Variants in RIGI observed in about 807,000 individuals in gnomAD.
The protein encoded by RIGI is RNA sensor RIG-I, also known as antiviral innate immune response receptor RIG-I.
the RIGI span, chr9:32,480,190 T>C: frequency 1.3e-6 from 2 of 1,576,262 alleles, no homozygotes; most frequent in Non-Finnish European, 1.7e-6. Flanking sequence ...AATGCTACTG[T>C]GGCTTCCTCC....
the RIGI span, among the ~76,000 whole-genome samples, chr9:32,515,317 C>A: frequency 0.033 from 3,672 of 110,080 alleles, no homozygotes; most frequent in East Asian, 0.043. Context: ...GACTCTGTCT[C>A]AAAAAAAAAA....
chr9:32,495,374 G>C, the RIGI span, among the ~76,000 whole-genome samples: 215 of 151,888 alleles, frequency 1.4e-3, 1 homozygote, highest in African/African-American at 5.0e-3. Context: ...GCTAATTTTT[G>C]TATTTTTTAG....
At chr9:32,457,113 G>T in the RIGI span, 1 of 1,607,024 alleles carries the variant, frequency 6.2e-7, no homozygotes, top group South Asian at 1.1e-5. Context: ...GAAGATTGAG[G>T]ACCTGATATC....
At chr9:32,486,173 C>T in the RIGI span, among the ~76,000 whole-genome samples, 4 of 151,780 alleles carry the variant, frequency 2.6e-5, no homozygotes, top group South Asian at 2.1e-4. Flanking sequence ...AAAGTGTAGC[C>T]GGGTGTGGTG....
chr9:32,476,069 A>G, the RIGI span, among the ~76,000 whole-genome samples: 1 of 152,122 alleles, frequency 6.6e-6, no homozygotes, highest in African/African-American at 2.4e-5. Context: ...CAGAAGAAAG[A>G]TGTTCAGCCA....
At chr9:32,494,067 C>G in the RIGI span, 5 of 712,890 alleles carry the variant, frequency 7.0e-6, no homozygotes, top group African/African-American at 9.3e-5. Flanking sequence ...GTAAATTACC[C>G]CCAATTGTCA....
At chr9:32,488,653 T>A in the RIGI span, 1 of 1,379,174 alleles carries the variant, frequency 7.3e-7, no homozygotes, top group Non-Finnish European at 9.6e-7. Flanking sequence ...TTTTTTTAAA[T>A]CATTTGTCAA....
chr9:32,508,218 T>G, the RIGI span, among the ~76,000 whole-genome samples: 2 of 145,954 alleles, frequency 1.4e-5, no homozygotes, highest in African/African-American at 2.5e-5. Flanking sequence ...ATCTAAAATT[T>G]TAAACCAAAG....
At chr9:32,466,588 G>T in the RIGI span, 1 of 651,916 alleles carries the variant, frequency 1.5e-6, no homozygotes, top group Non-Finnish European at 2.4e-6. Flanking sequence ...GTTAAAGAGT[G>T]AACTCATGAG....
At chr9:32,467,585 G>T in the RIGI span, among the ~76,000 whole-genome samples, 1 of 152,146 alleles carries the variant, frequency 6.6e-6, no homozygotes, top group Admixed American at 6.5e-5. Context: ...TCAAAGTAGA[G>T]TTTATGTTAG....
chr9:32,478,820 A>T, the RIGI span, among the ~76,000 whole-genome samples: 23 of 152,262 alleles, frequency 1.5e-4, no homozygotes, highest in African/African-American at 5.5e-4. Flanking sequence ...TCAGCCTCCC[A>T]AAGTGCCATG....
At chr9:32,467,816 G>T in the RIGI span, 1 of 1,612,540 alleles carries the variant, frequency 6.2e-7, no homozygotes, top group Non-Finnish European at 8.5e-7. Flanking sequence ...AGGATGACAA[G>T]ATTGCACTGT....
At chr9:32,490,109 T>A in the RIGI span, among the ~76,000 whole-genome samples, 1 of 152,186 alleles carries the variant, frequency 6.6e-6, no homozygotes, top group Non-Finnish European at 1.5e-5. Flanking sequence ...GTGCAGTGGC[T>A]CATGCCTGTA....
At chr9:32,495,590 A>T in the RIGI span, among the ~76,000 whole-genome samples, 2 of 151,646 alleles carry the variant, frequency 1.3e-5, no homozygotes, top group East Asian at 3.9e-4. Flanking sequence ...CTGATGTTGA[A>T]TATCTTTCCA....
chr9:32,461,093 A>G, the RIGI span, among the ~76,000 whole-genome samples: 1 of 152,172 alleles, frequency 6.6e-6, no homozygotes, highest in African/African-American at 2.4e-5. Flanking sequence ...ATCAGTCTGA[A>G]TAACAGGAGA....
chr9:32,484,695 A>C, the RIGI span, among the ~76,000 whole-genome samples: 1 of 152,186 alleles, frequency 6.6e-6, no homozygotes, highest in East Asian at 1.9e-4. Context: ...GTCACTAATC[A>C]GTTTTAATCT....
At chr9:32,473,098 T>C in the RIGI span, 4 of 1,437,250 alleles carry the variant, frequency 2.8e-6, no homozygotes, top group South Asian at 3.7e-5. Flanking sequence ...AATTGGACAC[T>C]CCTTATAAAT....
the RIGI span, among the ~76,000 whole-genome samples, chr9:32,516,254 C>G: frequency 6.6e-6 from 1 of 152,148 alleles, no homozygotes; most frequent in Non-Finnish European, 1.5e-5. Context: ...TATATAAACC[C>G]CTAATTTTAG....
At chr9:32,460,820 T>C in the RIGI span, among the ~76,000 whole-genome samples, 1 of 151,572 alleles carries the variant, frequency 6.6e-6, no homozygotes, top group Non-Finnish European at 1.5e-5. Flanking sequence ...CTATAAAAAA[T>C]GATGTCATGG....
Sources: gnomAD v4.1 joint callset for allele counts (sites outside exome capture counted in the v4.1 genomes callset) on GRCh38, gnomAD v4.1.1 for gene constraint, MANE v1.5 for transcripts, NCBI Gene and HGNC (gene_info 2026-07-23, HGNC 2026-07-21) for gene names.